The following RUNX1 variants were observed in gnomAD, a reference collection of about 807,000 sequenced individuals.
RUNX1 encodes the protein RUNX family transcription factor 1.
In RUNX1, 19 loss-of-function variants were observed where a neutral mutation model predicts 42.8. The ratio of observed to expected loss-of-function variants is 0.44; its 90% CI spans 0.31 to 0.65. The LOEUF is 0.65. Ranked by LOEUF, RUNX1 falls within the 30% of genes least tolerant of loss-of-function variation. The probability of loss-of-function intolerance (pLI) is 0.07; values close to 1 mark genes in which losing one functional copy is unlikely to be tolerated. For missense variants in RUNX1, 528 were observed against 672.0 expected (o/e 0.79, Z 2.37); for synonymous variants, 271 against 289.4 (o/e 0.94, Z 0.64).
intron 2 of RUNX1, among the ~76,000 whole-genome samples, chr21:34,955,187 T>C (rs948348797): frequency 6.6e-6 from 1 of 152,072 alleles, no homozygotes; most frequent in Non-Finnish European, 1.5e-5. Flanking sequence ...TGTGTGCCCA[T>C]CTGGAAGCTA....
intron 2 of RUNX1, among the ~76,000 whole-genome samples, chr21:34,974,974 T>C (rs2058790175): frequency 6.6e-6 from 1 of 152,180 alleles, no homozygotes; most frequent in South Asian, 2.1e-4. Context: ...ATGTGGAAAC[T>C]AGGCTCAGAG....
intron 6 of RUNX1, among the ~76,000 whole-genome samples, chr21:34,858,387 C>T (rs2057524468): frequency 6.6e-6 from 1 of 152,172 alleles, no homozygotes; most frequent in Non-Finnish European, 1.5e-5. Context: ...CATTTCCTGC[C>T]TTCATTCTCT....
intron 2 of RUNX1, among the ~76,000 whole-genome samples, chr21:34,953,141 A>T (rs1220383939): frequency 5.4e-5 from 8 of 149,098 alleles, no homozygotes; most frequent in African/African-American, 1.3e-4. Context: ...TTTTTTTTTT[A>T]AATCTACGTT....
intron 8 of RUNX1, among the ~76,000 whole-genome samples, chr21:34,798,873 G>A (rs1446147240): frequency 6.6e-6 from 1 of 152,110 alleles, no homozygotes; most frequent in African/African-American, 2.4e-5. Context: ...AGGGGCGGCT[G>A]TATTTATTTC....
At chr21:34,794,770 G>A (rs2056501935) in intron 8 of RUNX1, among the ~76,000 whole-genome samples, 1 of 152,100 alleles carries the variant, frequency 6.6e-6, no homozygotes, top group Non-Finnish European at 1.5e-5. Context: ...TGACATTTTG[G>A]GCCAGATCAT....
At chr21:34,870,026 A>G (rs1014015701) in intron 5 of RUNX1, among the ~76,000 whole-genome samples, 3 of 152,186 alleles carry the variant, frequency 2.0e-5, no homozygotes, top group African/African-American at 7.2e-5. Flanking sequence ...ATTACAGTAC[A>G]TATTTAATTT....
rs1405875194 is a variant in RUNX1 at position 34,903,043 on chromosome 21, G to A, written c.59-10080C>T. ...TAAGTATTGCCTGTTTTAAAAAGCA[G>A]ATTCAAGAAGATATGATTTAAAACA... On this transcript the variant is annotated intron_variant, in intron 2 of 8. Transcript: ENST00000675419. Among the ~76,000 whole-genome samples the A allele has an allele frequency of 2.0e-5, 3 of 152,144 alleles. No homozygotes were observed. In the East Asian group the frequency reaches 5.8e-4, roughly 29 times the overall value.
chr21:35,014,991 A>G (rs1713012771), intron 2 of RUNX1, among the ~76,000 whole-genome samples: 1 of 152,350 alleles, frequency 6.6e-6, no homozygotes, highest in South Asian at 2.1e-4. Flanking sequence ...CCTGGTAGGA[A>G]CTGAGGAAAC....
intron 2 of RUNX1, among the ~76,000 whole-genome samples, chr21:34,924,155 C>T (rs1003676707): frequency 6.6e-6 from 1 of 152,202 alleles, no homozygotes; most frequent in African/African-American, 2.4e-5. Flanking sequence ...AACAGCTTAC[C>T]CATCAATCCA....
rs116892590 is a variant in RUNX1 at position 35,012,837 on chromosome 21, C to T, written c.58+36005G>A. Among the ~76,000 whole-genome samples the T allele has an allele frequency of 2.4e-3, 359 of 151,950 alleles. 2 individuals carry two copies. Among genetic ancestry groups the T allele is most frequent in the Non-Finnish European group, 4.1e-3 (276 of 67,940 alleles). ...ACTCTAAAGTAGAGTAGAAATCAGG[C>T]GTCAGAAAACTTTTATGGTAAAATG... On this transcript the variant is annotated intron_variant, in intron 2 of 8. Coordinates refer to ENST00000675419, the MANE Select transcript of RUNX1 (RefSeq NM_001754.5).
At chr21:34,894,261 T>C (rs542962056) in intron 2 of RUNX1, among the ~76,000 whole-genome samples, 1 of 152,146 alleles carries the variant, frequency 6.6e-6, no homozygotes, top group East Asian at 1.9e-4. Context: ...CAGAGAAGCT[T>C]TTCCATGTCT....
intron 3 of RUNX1, 122 bp downstream of exon 3, chr21:34,892,803 G>T: frequency 1.5e-6 from 1 of 657,682 alleles, no homozygotes; most frequent in Non-Finnish European, 2.7e-6. Flanking sequence ...AGCAGAAACA[G>T]CCTTAATTAT....
chr21:35,031,057 G>GCAGGCA (rs1253160468), intron 2 of RUNX1, among the ~76,000 whole-genome samples: 1 of 152,144 alleles, frequency 6.6e-6, no homozygotes, highest in African/African-American at 2.4e-5. Context: ...TTATCAAAAA[G>GCAGGCA]TTAAGAGATG....
chr21:34,923,226 C>CAA (rs2058367434), intron 2 of RUNX1, among the ~76,000 whole-genome samples: 1 of 152,218 alleles, frequency 6.6e-6, no homozygotes, highest in Admixed American at 6.5e-5. Flanking sequence ...TAATGACTAT[C>CAA]AAGCACCCAG....
intron 2 of RUNX1, among the ~76,000 whole-genome samples, chr21:34,966,849 A>T (rs2146728194): frequency 6.6e-6 from 1 of 152,326 alleles, no homozygotes; most frequent in East Asian, 1.9e-4. Context: ...GATGGAGGCT[A>T]CAAACGAGAG....
chr21:34,810,830 T>C (rs1034569501), intron 7 of RUNX1, among the ~76,000 whole-genome samples: 13 of 152,154 alleles, frequency 8.5e-5, no homozygotes, highest in African/African-American at 2.9e-4. Flanking sequence ...ACTGTTGGCT[T>C]AGCTGGTTGT....
chr21:34,812,258 T>G (rs1343037761), intron 7 of RUNX1, among the ~76,000 whole-genome samples: 2 of 152,066 alleles, frequency 1.3e-5, no homozygotes, highest in Non-Finnish European at 2.9e-5. Flanking sequence ...CCCACCTTCA[T>G]GTGAGAGCTA....
chr21:35,031,068 G>A (rs2059269429), intron 2 of RUNX1, among the ~76,000 whole-genome samples: 2 of 152,174 alleles, frequency 1.3e-5, no homozygotes, highest in South Asian at 4.1e-4. Flanking sequence ...TTAAGAGATG[G>A]CCGGGTGCGG....
At chr21:34,895,524 AC>A (rs1377740533) in intron 2 of RUNX1, among the ~76,000 whole-genome samples, 1 of 152,076 alleles carries the variant, frequency 6.6e-6, no homozygotes, top group Non-Finnish European at 1.5e-5. Context: ...GTGATTTTTG[AC>A]TTGACTTTTG....
Sources: gnomAD v4.1 joint callset for allele counts (sites outside exome capture counted in the v4.1 genomes callset) on GRCh38, gnomAD v4.1.1 for gene constraint, MANE v1.5 for transcripts, NCBI Gene and HGNC (gene_info 2026-07-23, HGNC 2026-07-21) for gene names.